Variants in DHX29 observed in about 807,000 individuals in gnomAD.
DHX29 encodes the protein ATP-dependent RNA helicase DHX29.
Under a neutral mutation model 167.9 loss-of-function variants are expected in DHX29, and 79 were observed. The observed-to-expected ratio is 0.47, with a 90% CI of 0.39 to 0.57. The LOEUF (loss-of-function observed/expected upper bound fraction) is 0.57, where lower values mean the gene tolerates loss of function less well. DHX29 is among the 20% of genes least tolerant of loss of function. The probability of loss-of-function intolerance (pLI) is 0.00; values close to 1 mark genes in which losing one functional copy is unlikely to be tolerated. For missense variants in DHX29, 1,347 were observed against 1,593.4 expected (o/e 0.85, Z 2.63); for synonymous variants, 530 against 546.0 (o/e 0.97, Z 0.41).
rs751261949 is a variant in DHX29, at chr5:55,269,547, G to C, written c.3160C>G (p.Arg1054Gly). The C allele has an allele frequency of 5.0e-6, 8 of 1,613,902 alleles. 1 individual carries two copies. The highest frequency in any genetic ancestry group is 2.2e-5 in the South Asian group (2 of 91,088). ...QVISNAMNLLRKIGACELNEP... is the reference protein window; with the variant it reads ...QVISNAMNLLGKIGACELNEP... ...TTTAATTCACAAGCTCCAATTTTTCGGAGCAAATTCATTGCATTGCTGATC... is the reference window on the plus strand; with the variant it reads ...TTTAATTCACAAGCTCCAATTTTTCCGAGCAAATTCATTGCATTGCTGATC... Residue 1054 changes from arginine to glycine, a missense_variant, in exon 21 of 27, where the codon CGA becomes GGA. Arg to Gly is a moderately radical substitution (Grantham distance 125). This residue lies in a region of DHX29 where 882 missense variants were observed against 1,082.4 expected (regional missense o/e 0.81). Transcript: ENST00000251636.
chr5:55,265,974 ATT>A (rs1388685970), intron 23 of DHX29, among the ~76,000 whole-genome samples: 1 of 151,710 alleles, frequency 6.6e-6, no homozygotes, highest in Non-Finnish European at 1.5e-5. Context: ...AGAAATGTAG[ATT>A]CTCTCCTTTC....
intron 6 of DHX29, among the ~76,000 whole-genome samples, chr5:55,291,286 C>T (rs1229173661): frequency 6.6e-6 from 1 of 152,010 alleles, no homozygotes; most frequent in African/African-American, 2.4e-5. Flanking sequence ...CTATGGACTG[C>T]AGAAGGAAAC....
intron 25 of DHX29, among the ~76,000 whole-genome samples, chr5:55,260,526 C>CA (rs1294211931): frequency 1.7e-3 from 17 of 9,846 alleles, no homozygotes; most frequent in East Asian, 0.013. Flanking sequence ...CCATGGCACC[C>CA]GGCTTTATTG....
rs560984835 is a variant in DHX29 at position 55,299,581 on chromosome 5, GA to G, written c.188-918del. On this transcript the variant is annotated intron_variant, in intron 1 of 26. Transcript: ENST00000251636. Reference sequence around the variant, plus strand: ...TGCTCTCTCTGAAGGCTCTAGGTAAGAATCGTTCCTTCCCCCTTCCAGCTTC... The same window carrying G: ...TGCTCTCTCTGAAGGCTCTAGGTAAGATCGTTCCTTCCCCCTTCCAGCTTC... Among the ~76,000 whole-genome samples the G allele has an allele frequency of 1.7e-3, 253 of 152,252 alleles. 1 individual carries two copies. Among genetic ancestry groups the G allele is most frequent in the Middle Eastern group, 0.014 (4 of 294 alleles).
At position 55,290,131 on chromosome 5, in the gene DHX29, T is replaced by G; in HGVS notation, c.907+87A>C. The G allele has an allele frequency of 2.1e-6, 3 of 1,437,034 alleles. No homozygotes were observed. In the South Asian group the frequency reaches 4.1e-5, roughly 20 times the overall value. The allele number at this position is 1,437,034 out of a possible 1,614,324, so 89.0% of individuals were successfully genotyped here. A position where few individuals can be genotyped will look rare whatever the true frequency, so the allele number is the denominator to read the frequency against. On this transcript the variant is annotated intron_variant, in intron 7 of 26. Transcript: ENST00000251636. ...ATAAACTGTTAGAAAAGGGTAGACA[T>G]ATTAAAAGGAAGCATCATCCATCCC...
chr5:55,259,810 A>G (rs756420067), intron 26 of DHX29, 38 bp downstream of exon 26: 1 of 1,203,118 alleles, frequency 8.3e-7, no homozygotes, highest in South Asian at 1.2e-5. Context: ...ACATACACAT[A>G]TGTGTATATG....
In DHX29 at chr5:55,307,520, G is replaced by A. The variant is rs1490867618; in HGVS notation, c.54C>T (p.Ala18=). 2.5e-6 allele frequency: 4 copies of A among 1,613,580 alleles called. No individual in the cohort carries two copies. The highest frequency in any genetic ancestry group is 1.7e-5 in the Admixed American group (1 of 60,026). Reference sequence around the variant, plus strand: ...ATTTGGCTCTGGAAGCAGACACGGCGGCCCGGACCACCGCGGCCGCTGGAG... The same window carrying A: ...ATTTGGCTCTGGAAGCAGACACGGCAGCCCGGACCACCGCGGCCGCTGGAG... The part of the protein sequence containing the change: ...HKAPAAAVVR[A]AVSASRAKSA... Residue 18 remains alanine, a synonymous_variant, in exon 1 of 27, where the codon GCC becomes GCT. Coordinates refer to ENST00000251636, the MANE Select transcript of DHX29 (RefSeq NM_019030.4).
chr5:55,269,391 G>A, intron 21 of DHX29, 22 bp downstream of exon 21: 1 of 1,602,050 alleles, frequency 6.2e-7, no homozygotes, highest in African/African-American at 1.3e-5. Context: ...AAGTAAAGAA[G>A]CAGCAGCATT....
At chr5:55,263,001 T>A in intron 23 of DHX29, 69 bp from the exon 24 acceptor site, 1 of 1,151,120 alleles carries the variant, frequency 8.7e-7, no homozygotes, top group Non-Finnish European at 1.2e-6. Context: ...AACATTGTAG[T>A]TTATATTACT....
chr5:55,302,811 T>C (rs1579826263), intron 1 of DHX29, among the ~76,000 whole-genome samples: 1 of 152,266 alleles, frequency 6.6e-6, no homozygotes, highest in East Asian at 1.9e-4. Flanking sequence ...CAACATTCAC[T>C]GGGCCACGTT....
intron 10 of DHX29, among the ~76,000 whole-genome samples, chr5:55,284,311 C>A (rs1747603092): frequency 6.6e-6 from 1 of 152,166 alleles, no homozygotes; most frequent in African/African-American, 2.4e-5. Flanking sequence ...CAAAGCAGTT[C>A]TTTTGAGATT....
At position 55,256,513 on chromosome 5, in the gene DHX29, TC is replaced by T; in HGVS notation, c.4084del (p.Glu1362AsnfsTer2). 6.3e-7 allele frequency: 1 copy of T among 1,595,686 alleles called. No individual in the cohort carries two copies. The highest frequency in any genetic ancestry group is 8.5e-7 in the Non-Finnish European group (1 of 1,174,502). Reference protein sequence around the residue: ...ENDKILQIITELIKTENN With the variant: ...ENDKILQIITXLIKTENN ...TCAGTTATTCTCTGTTTTTATCAATTCCGTAATGATCTGCAGAATCTTGTCA... is the reference window on the plus strand; with the variant it reads ...TCAGTTATTCTCTGTTTTTATCAATTCGTAATGATCTGCAGAATCTTGTCA... On this transcript the variant is annotated frameshift_variant, in exon 27 of 27. Coordinates refer to ENST00000251636, the MANE Select transcript of DHX29 (RefSeq NM_019030.4). LOFTEE classifies it high-confidence loss of function.
intron 10 of DHX29, 67 bp from the exon 11 acceptor site, chr5:55,283,878 C>A: frequency 7.5e-7 from 1 of 1,336,656 alleles, no homozygotes; most frequent in Admixed American, 2.5e-5. Flanking sequence ...TAGATTAGCA[C>A]TTAAAAGGAT....
chr5:55,296,364 T>A lies in DHX29; in HGVS notation c.376-15A>T. On this transcript the variant is annotated splice_polypyrimidine_tract_variant and intron_variant, in intron 3 of 26. Transcript: ENST00000251636. ...ATGTATAAATCCTATGACAAGCAAA[T>A]ATAAAAAAAGTCACATTTGTCAAAG... is the stretch of plus-strand genomic sequence containing the variant. 6.2e-7 allele frequency: 1 copy of A among 1,603,054 alleles called. No homozygotes were observed. The highest frequency in any genetic ancestry group is 1.1e-5 in the South Asian group (1 of 88,364).
chr5:55,278,472 A>G (rs1409935284), intron 12 of DHX29, among the ~76,000 whole-genome samples: 1 of 152,218 alleles, frequency 6.6e-6, no homozygotes, highest in African/African-American at 2.4e-5. Context: ...CAGAGTTGTG[A>G]CAATCAAATG....
chr5:55,269,439 C>G lies in DHX29; in HGVS notation c.3268G>C (p.Ala1090Pro), dbSNP rs1182577255. 1 of 1,612,992 alleles carries G rather than the reference C, an allele frequency of 6.2e-7. No individual in the cohort carries two copies. Residue 1090 changes from alanine to proline, a missense_variant, in exon 21 of 27, where the codon GCC (alanine) becomes CCC (proline). Ala to Pro is a conservative substitution (Grantham distance 27, BLOSUM62 -1). Around this residue, in one of 3 missense-constraint regions of DHX29, gnomAD observed 882 missense variants for 1,082.4 expected, o/e 0.81. Transcript: ENST00000251636. Reference protein sequence around the residue: ...VKIGKMLIFGAIFGCLDPVAT... With the variant: ...VKIGKMLIFGPIFGCLDPVAT... ...ACTGGGTCAAGGCAGCCAAATATGG[C>G]ACCAAAAATAAGCATCTTGCCAATC...
intron 5 of DHX29, among the ~76,000 whole-genome samples, chr5:55,294,686 C>G (rs1018274246): frequency 7.9e-5 from 12 of 152,040 alleles, no homozygotes; most frequent in Non-Finnish European, 2.9e-5. Flanking sequence ...CTCAAAAAAA[C>G]AACAACAAAA....
At chr5:55,276,242 T>C in intron 14 of DHX29, 24 bp downstream of exon 14, 1 of 1,549,988 alleles carries the variant, frequency 6.5e-7, no homozygotes, top group African/African-American at 1.4e-5. Context: ...TTATCTGATA[T>C]CTTTCAAAAT....
intron 17 of DHX29, 128 bp downstream of exon 17, chr5:55,273,163 AAC>A (rs2111838306): frequency 1.1e-6 from 1 of 896,774 alleles, no homozygotes; most frequent in East Asian, 2.9e-5. Context: ...CAAGGTGCAG[AAC>A]ACTTGGAGTT....
Sources: allele counts gnomAD v4.1 joint callset (sites outside exome capture counted in the v4.1 genomes callset), GRCh38; gene constraint gnomAD v4.1.1; regional missense constraint gnomAD v4.1.1; transcripts MANE v1.5; gene names NCBI Gene and HGNC (gene_info 2026-07-23, HGNC 2026-07-21).